TPCN1: variants seen among roughly 807,000 people sequenced by gnomAD.
TPCN1 encodes the protein two pore segment channel 1.
In TPCN1, 52 loss-of-function variants were observed where a neutral mutation model predicts 108.8. That is an observed-to-expected ratio of 0.48 (90% CI 0.38 to 0.60). The LOEUF is 0.60. TPCN1 is among the 20% of genes least tolerant of loss of function. The pLI is 0.00. For missense variants in TPCN1, 806 were observed against 1,072.8 expected (o/e 0.75, Z 3.47); for synonymous variants, 446 against 433.7 (o/e 1.03, Z -0.35).
chr12:113,264,785 TG>T (rs1236001924), intron 3 of TPCN1, among the ~76,000 whole-genome samples: 3 of 152,186 alleles, frequency 2.0e-5, no homozygotes, highest in Non-Finnish European at 4.4e-5. Flanking sequence ...AAGTAGGGTA[TG>T]GGGAATCCTG....
Position 113,291,039 on chromosome 12 carries a change from C to A in TPCN1, c.1959+41C>A, listed in dbSNP as rs200056170. 5.3e-5 allele frequency: 85 copies of A among 1,602,088 alleles called. No individual in the cohort carries two copies. The Admixed American group carries it at 1.2e-3, about 23-fold the overall frequency. ...GCTCTGGGGGTATCTTCCCGCCAGC[C>A]CTGGGGTCGGCCCTGGGTCTCCCCC... On this transcript the variant is annotated intron_variant, in intron 23 of 27. Transcript: ENST00000335509.
At chr12:113,240,747 CTT>C (rs112630841) in intron 2 of TPCN1, among the ~76,000 whole-genome samples, 3,181 of 133,674 alleles carry the variant, frequency 0.024, 81 homozygotes, top group African/African-American at 0.068. Context: ...CCTGCCCATT[CTT>C]TTTTTTTTTT....
At chr12:113,287,134 G>T in intron 19 of TPCN1, 40 bp downstream of exon 19, 1 of 1,534,038 alleles carries the variant, frequency 6.5e-7, no homozygotes. Flanking sequence ...GAGAAAGAGA[G>T]GGAGGACGGG....
At position 113,288,798 on chromosome 12, in the gene TPCN1, A is replaced by G; in HGVS notation, c.1747A>G (p.Ile583Val). 1 of 1,613,460 alleles carries G rather than the reference A, an allele frequency of 6.2e-7. No individual in the cohort carries two copies. Among genetic ancestry groups the G allele is most frequent in the Non-Finnish European group, 8.5e-7 (1 of 1,180,004 alleles). ...TLLIFYYSFA[I>V]VGMEFFCGIV... is the part of the protein sequence containing the mutation. ...GCTCATCTTTTACTACTCCTTCGCC[A>G]TCGTGGGCATGGAGTTCTTCTGCGG... Residue 583 changes from isoleucine (I) to valine (V), a missense_variant, in exon 21 of 28, where the codon ATC becomes GTC. By Grantham distance (29) the Ile-to-Val change is conservative (BLOSUM62 3). Transcript: ENST00000335509. The surrounding 1 kb of genome is among the most constrained non-coding windows in gnomAD (Gnocchi z 4.8).
At chr12:113,291,772 G>A (rs1416207487) in intron 24 of TPCN1, 95 bp downstream of exon 24, 2 of 1,564,660 alleles carry the variant, frequency 1.3e-6, no homozygotes, top group East Asian at 4.5e-5. Context: ...AGTGGGGCTG[G>A]GTCCCATCTG....
At chr12:113,282,282 G>A (rs997438751) in intron 15 of TPCN1, among the ~76,000 whole-genome samples, 9 of 151,548 alleles carry the variant, frequency 5.9e-5, no homozygotes, top group Non-Finnish European at 1.2e-4. Context: ...TAATAGAGAC[G>A]GGATTTCCCC....
intron 14 of TPCN1, among the ~76,000 whole-genome samples, chr12:113,279,355 G>C (rs1354420108): frequency 1.5e-5 from 1 of 65,790 alleles, no homozygotes; most frequent in South Asian, 5.2e-4. Flanking sequence ...ATGTGTGTGT[G>C]TGTGTATATA....
intron 15 of TPCN1, among the ~76,000 whole-genome samples, chr12:113,282,308 G>A (rs1408218903): frequency 6.6e-6 from 1 of 151,726 alleles, no homozygotes; most frequent in Admixed American, 6.6e-5. Flanking sequence ...GGCCAGGCTG[G>A]TCTCGAACTT....
At chr12:113,235,293 TC>T (rs1468614752) in intron 2 of TPCN1, among the ~76,000 whole-genome samples, 1 of 152,224 alleles carries the variant, frequency 6.6e-6, no homozygotes, top group Non-Finnish European at 1.5e-5. Flanking sequence ...TCCTGGTGAT[TC>T]TTTCCTTCTT....
intron 7 of TPCN1, among the ~76,000 whole-genome samples, chr12:113,270,378 T>C (rs191787630): frequency 2.0e-5 from 3 of 152,306 alleles, no homozygotes; most frequent in African/African-American, 4.8e-5. Flanking sequence ...TGGGTGTCTG[T>C]TGAGGGCCTA....
At position 113,267,598 on chromosome 12, in the gene TPCN1, T is replaced by G. The variant is rs141702286; in HGVS notation, c.415-245T>G. Among the ~76,000 whole-genome samples the G allele has an allele frequency of 3.3e-5, 5 of 152,250 alleles. No individual in the cohort carries two copies. In the East Asian group the frequency reaches 9.7e-4, roughly 29 times the overall value. On this transcript the variant is annotated intron_variant, in intron 4 of 27. Transcript: ENST00000335509. ...TTCTTACTTTTAAACTTCAGGCTCC[T>G]TCCTGATTTTTCATCATTTGGGCCA... is the stretch of plus-strand genomic sequence containing the variant.
At chr12:113,293,242 A>C in intron 26 of TPCN1, 27 bp from the exon 27 acceptor site, 1 of 1,613,232 alleles carries the variant, frequency 6.2e-7, no homozygotes, top group Non-Finnish European at 8.5e-7. Flanking sequence ...TCTGCAGCCG[A>C]GCCCTGCAGC....
At chr12:113,267,306 G>A (rs888703857) in intron 4 of TPCN1, among the ~76,000 whole-genome samples, 1 of 152,070 alleles carries the variant, frequency 6.6e-6, no homozygotes, top group Non-Finnish European at 1.5e-5. Flanking sequence ...CCTAATTGAT[G>A]CTTTCTTAGT....
intron 2 of TPCN1, chr12:113,244,135 C>T (rs1461093165): frequency 4.6e-6 from 1 of 216,088 alleles, no homozygotes; most frequent in Admixed American, 6.5e-5. Flanking sequence ...ACTTAGGTCC[C>T]TTTCAGGTGG....
intron 2 of TPCN1, among the ~76,000 whole-genome samples, chr12:113,256,991 A>G (rs1954850750): frequency 6.6e-6 from 1 of 152,172 alleles, no homozygotes; most frequent in Non-Finnish European, 1.5e-5. Context: ...GCAAATCATC[A>G]TGTATCTGAT....
At chr12:113,230,260 ACTAGG>A (rs1050559577) in intron 2 of TPCN1, among the ~76,000 whole-genome samples, 7 of 146,668 alleles carry the variant, frequency 4.8e-5, no homozygotes, top group Non-Finnish European at 7.5e-5. Context: ...CTGATCACCT[ACTAGG>A]CCCTGAGATC....
intron 2 of TPCN1, among the ~76,000 whole-genome samples, chr12:113,250,435 A>G (rs1476672825): frequency 1.3e-5 from 2 of 152,224 alleles, no homozygotes; most frequent in Admixed American, 1.3e-4. Flanking sequence ...TGAAATGTCC[A>G]TAACCAATAG....
At chr12:113,251,587 G>C (rs974526189) in intron 2 of TPCN1, among the ~76,000 whole-genome samples, 3 of 152,366 alleles carry the variant, frequency 2.0e-5, no homozygotes, top group East Asian at 1.9e-4. Context: ...TGTCCCGTGG[G>C]GGGGCTCCAG....
intron 3 of TPCN1, among the ~76,000 whole-genome samples, chr12:113,261,918 G>A (rs868642919): frequency 6.6e-6 from 1 of 151,542 alleles, no homozygotes; most frequent in Non-Finnish European, 1.5e-5. Flanking sequence ...TGGAATTACC[G>A]GGTAGAAGGA....
Sources: gnomAD v4.1 joint callset for allele counts (sites outside exome capture counted in the v4.1 genomes callset) on GRCh38, gnomAD v4.1.1 for gene constraint, Gnocchi (gnomAD v3.1) non-coding constraint, MANE v1.5 for transcripts, NCBI Gene and HGNC (gene_info 2026-07-23, HGNC 2026-07-21) for gene names.